TFAP2A: variants seen among roughly 807,000 people sequenced by gnomAD.
TFAP2A encodes transcription factor AP-2-alpha.
In TFAP2A, 7 loss-of-function variants were observed where a neutral mutation model predicts 41.5. The ratio of observed to expected loss-of-function variants is 0.17; its 90% CI spans 0.10 to 0.32. The LOEUF is 0.32. TFAP2A is among the 10% of genes least tolerant of loss of function. The pLI is 1.00. For missense variants in TFAP2A, 416 were observed against 563.3 expected (o/e 0.74, Z 2.65); for synonymous variants, 247 against 242.8 (o/e 1.02, Z -0.16).
intron 1 of TFAP2A, among the ~76,000 whole-genome samples, chr6:10,414,167 G>A (rs960823449): frequency 6.6e-6 from 1 of 152,190 alleles, no homozygotes; most frequent in African/African-American, 2.4e-5. Flanking sequence ...GGTCGTTCTG[G>A]GCTGGTGCAG....
At chr6:10,400,253 GAAA>G (rs1761958222) in intron 6 of TFAP2A, among the ~76,000 whole-genome samples, 192 bp downstream of exon 6, 1 of 150,842 alleles carries the variant, frequency 6.6e-6, no homozygotes, top group South Asian at 2.1e-4. Context: ...CAGATGAGAG[GAAA>G]AAGATGGGAG....
chr6:10,398,295 C>CGGCAGCA lies in TFAP2A; in HGVS notation c.*115_*121dup. On this transcript the variant is annotated 3_prime_UTR_variant, in exon 7 of 7. Transcript: ENST00000379613. The surrounding 1 kb of genome is among the most constrained non-coding windows in gnomAD (Gnocchi z 5.3). ...CCAAGGGCAGCGGCGGCGGCGGCGGCGGCAGCAGCAGCAGCAGTAGCAGCA... is the reference window on the plus strand; with the variant it reads ...CCAAGGGCAGCGGCGGCGGCGGCGGCGGCAGCAGGCAGCAGCAGCAGCAGTAGCAGCA... 1 of 1,585,590 alleles carries CGGCAGCA rather than the reference C, an allele frequency of 6.3e-7. No individual in the cohort carries two copies. The highest frequency in any genetic ancestry group is 8.5e-7 in the Non-Finnish European group (1 of 1,169,880).
upstream of TFAP2A, chr6:10,416,950 C>A (rs910423277): frequency 6.6e-6 from 1 of 152,594 alleles, no homozygotes; most frequent in Non-Finnish European, 1.5e-5. Flanking sequence ...TCGGCTGAAC[C>A]GGGCTGGAGG....
chr6:10,398,329 G>A lies in TFAP2A; in HGVS notation c.*88C>T, dbSNP rs10456013. ...CAGCAGCAGTAGCAGCAGCAGGAAGGGTTGCTGATCCCGGAGCTGTCACCC... is the reference window on the plus strand; with the variant it reads ...CAGCAGCAGTAGCAGCAGCAGGAAGAGTTGCTGATCCCGGAGCTGTCACCC... On this transcript the variant is annotated 3_prime_UTR_variant, in exon 7 of 7. Coordinates refer to ENST00000379613, the MANE Select transcript of TFAP2A (RefSeq NM_001372066.1). This position sits in a 1 kb window ranked among gnomAD's most constrained non-coding sequence, Gnocchi z 5.3. 2.8e-5 allele frequency: 45 copies of A among 1,606,482 alleles called. No individual in the cohort carries two copies. The highest frequency in any genetic ancestry group is 3.7e-5 in the Non-Finnish European group (43 of 1,177,602).
Position 10,400,512 on chromosome 6 carries a change from G to C in TFAP2A, c.967C>G (p.Leu323Val), listed in dbSNP as rs1232638969. Residue 323 changes from leucine to valine, a missense_variant, in exon 6 of 7, where the codon CTC becomes GTC. This residue lies in a region of TFAP2A where 116 missense variants were observed against 153.8 expected (regional missense o/e 0.75). Coordinates refer to ENST00000379613, the MANE Select transcript of TFAP2A (RefSeq NM_001372066.1). Reference protein sequence around the residue: ...EFPAKAVAEFLNRQHSDPNEQ... With the variant: ...EFPAKAVAEFVNRQHSDPNEQ... ...TTGGGATCGGAATGTTGTCGGTTGA[G>C]AAATTCAGCTACTGCTTTGGCAGGA... The C allele has an allele frequency of 6.2e-7, 1 of 1,614,178 alleles. No individual in the cohort carries two copies. Among genetic ancestry groups the C allele is most frequent in the Non-Finnish European group, 8.5e-7 (1 of 1,180,032 alleles).
chr6:10,412,696 G>C, intron 1 of TFAP2A: 1 of 336,490 alleles, frequency 3.0e-6, no homozygotes, highest in Non-Finnish European at 6.1e-6. Context: ...GGCGCTTCCC[G>C]GCCCTGTCTG....
At position 10,398,382 on chromosome 6, in the gene TFAP2A, G is replaced by A. The variant is rs1434970906; in HGVS notation, c.*35C>T. 3 of 1,598,804 alleles carry A rather than the reference G, an allele frequency of 1.9e-6. No individual in the cohort carries two copies. The highest frequency in any genetic ancestry group is 2.3e-5 in the East Asian group (1 of 44,198). The stretch of plus-strand genomic sequence containing the variant: ...CGGAGGGTGGGCGCGCGGGGGGCTG[G>A]TGAGGCGTGGGAGGGGCGGGGCGGG... On this transcript the variant is annotated 3_prime_UTR_variant, in exon 7 of 7. Coordinates refer to ENST00000379613, the MANE Select transcript of TFAP2A (RefSeq NM_001372066.1). This position sits in a 1 kb window ranked among gnomAD's most constrained non-coding sequence, Gnocchi z 5.3.
Position 10,398,338 on chromosome 6 carries a change from TC to T in TFAP2A, c.*78del, listed in dbSNP as rs1461180426. 4.5e-6 allele frequency: 7 copies of T among 1,553,604 alleles called. No individual in the cohort carries two copies. The highest frequency in any genetic ancestry group is 6.0e-6 in the Non-Finnish European group (7 of 1,157,786). On this transcript the variant is annotated 3_prime_UTR_variant, in exon 7 of 7. Coordinates refer to ENST00000379613, the MANE Select transcript of TFAP2A (RefSeq NM_001372066.1). This position sits in a 1 kb window ranked among gnomAD's most constrained non-coding sequence, Gnocchi z 5.3. Reference sequence around the variant, plus strand: ...TAGCAGCAGCAGGAAGGGTTGCTGATCCCGGAGCTGTCACCCGCCGGAGGGT... The same window carrying T: ...TAGCAGCAGCAGGAAGGGTTGCTGATCCGGAGCTGTCACCCGCCGGAGGGT...
chr6:10,400,229 A>G (rs1761957008), intron 6 of TFAP2A, among the ~76,000 whole-genome samples: 1 of 150,804 alleles, frequency 6.6e-6, no homozygotes, highest in South Asian at 2.1e-4. Context: ...AAAAAAAAAA[A>G]TGAGTAAATG....
At position 10,398,024 on chromosome 6, in the gene TFAP2A, T is replaced by C; in HGVS notation, c.*393A>G. On this transcript the variant is annotated 3_prime_UTR_variant, in exon 7 of 7. Coordinates refer to ENST00000379613, the MANE Select transcript of TFAP2A (RefSeq NM_001372066.1). The surrounding 1 kb of genome is among the most constrained non-coding windows in gnomAD (Gnocchi z 5.3). ...ATTTTTTTTATTTTCACTTTTTTTT[T>C]AGAAAAAAGTTTTTAATTTTTGTTG... is the stretch of plus-strand genomic sequence containing the variant. 2 of 1,074,858 alleles carry C rather than the reference T, an allele frequency of 1.9e-6. No homozygotes were observed. Among genetic ancestry groups the C allele is most frequent in the Non-Finnish European group, 2.3e-6 (2 of 885,590 alleles). 66.6% of individuals were successfully genotyped at this position (1,074,858 alleles called of 1,614,324 possible).
Position 10,402,385 on chromosome 6 carries a change from G to A in TFAP2A, c.889+107C>T, listed in dbSNP as rs115356308. 14 of 879,890 alleles carry A rather than the reference G, an allele frequency of 1.6e-5. No individual in the cohort carries two copies. In the African/African-American group the frequency reaches 1.8e-4, roughly 11 times the overall value. The allele number at this position is 879,890 out of a possible 1,614,324, so 54.5% of individuals were successfully genotyped here. ...CACATCTGGCTATATTCTCTGCAAA[G>A]ATGAAACTGCCCAACTGACATAAAA... On this transcript the variant is annotated intron_variant, in intron 5 of 6. Transcript: ENST00000379613.
intron 4 of TFAP2A, 100 bp downstream of exon 4, chr6:10,404,408 G>T: frequency 1.3e-6 from 1 of 776,746 alleles, no homozygotes; most frequent in Non-Finnish European, 1.7e-6. Flanking sequence ...AGGGAGGGCC[G>T]CGGCGCGAGG....
rs992872441 is a variant in TFAP2A at position 10,397,871 on chromosome 6, G to A, written c.*546C>T. ...TGGAACTTCGTGTATTTGTGTTCAA[G>A]TTTATTCACAATACTGATAAAAATG... On this transcript the variant is annotated 3_prime_UTR_variant, in exon 7 of 7. Transcript: ENST00000379613. 29 of 984,092 alleles carry A rather than the reference G, an allele frequency of 2.9e-5. No homozygotes were observed. Among genetic ancestry groups the A allele is most frequent in the Non-Finnish European group, 3.3e-5 (27 of 830,532 alleles). The allele number at this position is 984,092 out of a possible 1,614,324, so 61.0% of individuals were successfully genotyped here.
At chr6:10,411,743 C>A in intron 1 of TFAP2A, 1 of 1,505,812 alleles carries the variant, frequency 6.6e-7, no homozygotes, top group Non-Finnish European at 8.9e-7. Flanking sequence ...GCCGACGCTC[C>A]CCGGAGCGCG....
Position 10,415,068 on chromosome 6 carries a change from G to C in TFAP2A, c.-77C>G. The C allele has an allele frequency of 6.2e-7, 1 of 1,613,666 alleles. No individual in the cohort carries two copies. The highest frequency in any genetic ancestry group is 8.5e-7 in the Non-Finnish European group (1 of 1,179,894). ...ACTCTCTGGGTGAGCGCAAAGTGCT[G>C]GCTGCCGGCGGTGAGCGCAGGAGGA... is the stretch of plus-strand genomic sequence containing the variant. On this transcript the variant is annotated 5_prime_UTR_variant, in exon 1 of 7. Transcript: ENST00000379613.
intron 1 of TFAP2A, chr6:10,412,650 C>A: frequency 3.1e-6 from 1 of 321,698 alleles, no homozygotes; most frequent in Non-Finnish European, 6.4e-6. Flanking sequence ...CTGCTTGGGA[C>A]CGCGTCCGGG....
chr6:10,400,766 T>G, intron 5 of TFAP2A, 177 bp from the exon 6 acceptor site: 1 of 794,962 alleles, frequency 1.3e-6, no homozygotes, highest in Non-Finnish European at 2.1e-6. Context: ...GGTGGATGCA[T>G]TTATCAGGAA....
intron 4 of TFAP2A, 82 bp downstream of exon 4, chr6:10,404,426 G>A (rs2613855): frequency 7.0e-6 from 7 of 1,006,244 alleles, no homozygotes; most frequent in South Asian, 3.0e-5. Context: ...AGGCCTGTTT[G>A]CGTCGCCGCC....
At chr6:10,410,385 C>G (rs1561714162) in intron 1 of TFAP2A, 50 bp from the exon 2 acceptor site, 3 of 1,534,958 alleles carry the variant, frequency 2.0e-6, no homozygotes, top group East Asian at 4.8e-5. Context: ...AGGCGTCGAG[C>G]TACAACTATC....
Sources: allele counts gnomAD v4.1 joint callset (sites outside exome capture counted in the v4.1 genomes callset), GRCh38; gene constraint gnomAD v4.1.1; regional missense constraint gnomAD v4.1.1; non-coding constraint Gnocchi (gnomAD v3.1); transcripts MANE v1.5; gene names NCBI Gene and HGNC (gene_info 2026-07-23, HGNC 2026-07-21).